The following ZNF532 variants were observed in gnomAD, a reference collection of about 807,000 sequenced individuals.
ZNF532 encodes zinc finger protein 532.
In ZNF532, 22 loss-of-function variants were observed where a neutral mutation model predicts 89.3. The ratio of observed to expected loss-of-function variants is 0.25; its 90% CI spans 0.18 to 0.35. The LOEUF (loss-of-function observed/expected upper bound fraction) is 0.35, where lower values mean the gene tolerates loss of function less well. ZNF532 is among the 10% of genes least tolerant of loss of function. ZNF532 has a pLI of 1.00. For missense variants in ZNF532, 1,132 were observed against 1,643.4 expected, an observed-to-expected ratio of 0.69 and a Z score of 5.38; for synonymous variants, 606 against 649.6, an observed-to-expected ratio of 0.93 and a Z score of 1.02.
In ZNF532 at chr18:58,918,877, A is replaced by G. The variant is rs1445563592; in HGVS notation, c.590A>G (p.Lys197Arg). 2 of 1,614,180 alleles carry G rather than the reference A, an allele frequency of 1.2e-6. No individual in the cohort carries two copies. The highest frequency in any genetic ancestry group is 1.1e-5 in the South Asian group (1 of 91,082). ...CTCTCTACGTCAGGCAATGTGGAGA[A>G]AAACAAAGCTGTTAAGAGAGAAACA... is the stretch of plus-strand genomic sequence containing the variant. ...TGLSTSGNVEKNKAVKRETEA... is the reference protein window; with the variant it reads ...TGLSTSGNVERNKAVKRETEA... The change falls in exon 3 of 10, where the codon AAA becomes AGA. Residue 197 changes from lysine (K) to arginine (R), a missense_variant. Lys to Arg is a conservative substitution (Grantham distance 26). Transcript: ENST00000591808.
At chr18:58,909,762 G>A (rs753372758) in intron 2 of ZNF532, among the ~76,000 whole-genome samples, 7 of 152,146 alleles carry the variant, frequency 4.6e-5, no homozygotes, top group Non-Finnish European at 8.8e-5. Context: ...ATTCAGCGAC[G>A]GCATGCACTT....
chr18:58,944,836 C>T (rs558625953), intron 5 of ZNF532, among the ~76,000 whole-genome samples: 2 of 152,262 alleles, frequency 1.3e-5, no homozygotes, highest in Admixed American at 6.5e-5. Flanking sequence ...ATCTTTTTCC[C>T]CCAGATTCCT....
chr18:58,944,361 T>C (rs2063475095), intron 5 of ZNF532, among the ~76,000 whole-genome samples: 1 of 151,990 alleles, frequency 6.6e-6, no homozygotes, highest in Non-Finnish European at 1.5e-5. Context: ...TCTCCTCCTC[T>C]CTCTCTTCCT....
In ZNF532 at chr18:58,919,217, C is replaced by A; in HGVS notation, c.930C>A (p.Ala310=). 5 of 1,614,094 alleles carry A rather than the reference C, an allele frequency of 3.1e-6. No individual in the cohort carries two copies. Among genetic ancestry groups the A allele is most frequent in the Non-Finnish European group, 3.4e-6 (4 of 1,179,964 alleles). The change falls in exon 3 of 10, where the codon GCC becomes GCA. Residue 310 remains alanine, a synonymous_variant. Transcript: ENST00000591808. This position sits in a 1 kb window ranked among gnomAD's most constrained non-coding sequence, Gnocchi z 6.1. ...AAGAAGTAAATGACAGTCCGAGAGC[C>A]GCTGACAAGTCTCCTGAATCCCAGA... is the stretch of plus-strand genomic sequence containing the variant. The part of the protein sequence containing the change: ...LPKEVNDSPR[A]ADKSPESQNL...
chr18:58,918,734 C>G lies in ZNF532; in HGVS notation c.447C>G (p.Pro149=). Residue 149 remains proline, a synonymous_variant, in exon 3 of 10, where the codon CCC becomes CCG. Coordinates refer to ENST00000591808, the MANE Select transcript of ZNF532 (RefSeq NM_001375912.1). ...DDDEKIEVDD[P]PDKEDMRSSF... ...ACGAGAAGATTGAGGTGGATGACCC[C>G]CCTGACAAGGAGGACATGCGATCAA... 6.2e-7 allele frequency: 1 copy of G among 1,614,128 alleles called. No homozygotes were observed. The highest frequency in any genetic ancestry group is 8.5e-7 in the Non-Finnish European group (1 of 1,180,036).
chr18:58,952,561 T>C (rs1256379738), intron 6 of ZNF532, among the ~76,000 whole-genome samples: 2 of 151,902 alleles, frequency 1.3e-5, no homozygotes, highest in East Asian at 3.8e-4. Flanking sequence ...TGCACCACTA[T>C]GCCCGAGTAA....
chr18:58,884,042 A>G (rs1381041224), intron 2 of ZNF532, among the ~76,000 whole-genome samples: 1 of 152,204 alleles, frequency 6.6e-6, no homozygotes, highest in Non-Finnish European at 1.5e-5. Flanking sequence ...GGAAGTCTCA[A>G]AAAGTGTTTG....
In ZNF532 at chr18:58,865,156, C is replaced by T. The variant is rs1405512426; in HGVS notation, c.-357C>T. 1 of 151,250 alleles carries T rather than the reference C, an allele frequency of 6.6e-6. No individual in the cohort carries two copies. Among genetic ancestry groups the T allele is most frequent in the African/African-American group, 2.4e-5 (1 of 41,116 alleles). 9.4% of individuals were successfully genotyped at this position (151,250 alleles called of 1,614,324 possible). A position where few individuals can be genotyped will look rare whatever the true frequency, so the allele number is the denominator to read the frequency against. On this transcript the variant is annotated 5_prime_UTR_variant, in exon 1 of 10. Coordinates refer to ENST00000591808, the MANE Select transcript of ZNF532 (RefSeq NM_001375912.1). ...TTATTAGAGAAAAAAATGTGCCTTGCTAGGGTGGGGACACTTGGTTGATGC... is the reference window on the plus strand; with the variant it reads ...TTATTAGAGAAAAAAATGTGCCTTGTTAGGGTGGGGACACTTGGTTGATGC...
At chr18:58,952,993 A>G (rs148501839) in intron 6 of ZNF532, among the ~76,000 whole-genome samples, 103 of 152,356 alleles carry the variant, frequency 6.8e-4, no homozygotes, top group African/African-American at 2.3e-3. Context: ...AAACCCAGCA[A>G]AAACCCAGAC....
Position 58,920,340 on chromosome 18 carries a change from G to T in ZNF532, c.2053G>T (p.Val685Phe). ...ATGCTCCCACTTAATTTTAAAGCCA[G>T]TCCCAGCAGATCAAATGATAGTTTC... is the stretch of plus-strand genomic sequence containing the variant. ...MQCSHLILKP[V>F]PADQMIVSPS... is the part of the protein sequence containing the mutation. Residue 685 changes from valine to phenylalanine, a missense_variant, in exon 3 of 10, where the codon GTC (valine) becomes TTC (phenylalanine). Physicochemically the swap from Val to Phe is conservative, Grantham distance 50 (BLOSUM62 -1). This residue lies in a region of ZNF532 where 70 missense variants were observed against 152.1 expected (regional missense o/e 0.46). Transcript: ENST00000591808. The T allele has an allele frequency of 6.2e-7, 1 of 1,614,000 alleles. No homozygotes were observed. Among genetic ancestry groups the T allele is most frequent in the Non-Finnish European group, 8.5e-7 (1 of 1,179,868 alleles).
intron 2 of ZNF532, among the ~76,000 whole-genome samples, chr18:58,895,349 G>A (rs533207259): frequency 9.2e-5 from 14 of 152,328 alleles, no homozygotes; most frequent in African/African-American, 2.9e-4. Context: ...AGAGTCCAGA[G>A]GTCAGATAGA....
In ZNF532 at chr18:58,918,234, C is replaced by T. The variant is rs747003508; in HGVS notation, c.-17-37C>T. 1.9e-6 allele frequency: 3 copies of T among 1,553,870 alleles called. No individual in the cohort carries two copies. The East Asian group carries it at 6.8e-5, about 35-fold the overall frequency. ...GTTTTATCTCATCGTGAGGAAATAC[C>T]AATTACTGATGGAACTATTTTCTGC... On this transcript the variant is annotated intron_variant, in intron 2 of 9. Coordinates refer to ENST00000591808, the MANE Select transcript of ZNF532 (RefSeq NM_001375912.1).
intron 7 of ZNF532, among the ~76,000 whole-genome samples, chr18:58,978,530 GA>G (rs1190932980): frequency 6.6e-6 from 1 of 152,094 alleles, no homozygotes; most frequent in Non-Finnish European, 1.5e-5. Flanking sequence ...CTGTGTTTTT[GA>G]GAGAGAATTT....
In ZNF532 at chr18:58,918,859, C is replaced by T. The variant is rs138581536; in HGVS notation, c.572C>T (p.Thr191Met). 5,977 of 1,614,152 alleles carry T rather than the reference C, an allele frequency of 3.7e-3. 43 individuals are homozygous for T. The highest frequency in any genetic ancestry group is 0.02 in the South Asian group (1,862 of 91,068). ...AACTCCAGCAAAACTGGACTCTCTA[C>T]GTCAGGCAATGTGGAGAAAAACAAA... ...GENSSKTGLS[T>M]SGNVEKNKAV... The change falls in exon 3 of 10, where the codon ACG becomes ATG. Residue 191 changes from threonine to methionine, a missense_variant. Transcript: ENST00000591808.
intron 2 of ZNF532, among the ~76,000 whole-genome samples, chr18:58,865,914 C>T (rs2056412909): frequency 6.6e-6 from 1 of 152,150 alleles, no homozygotes; most frequent in Non-Finnish European, 1.5e-5. Context: ...TGGCATTTTC[C>T]CGATGATTAT....
At chr18:58,948,331 C>T (rs1486151528) in intron 6 of ZNF532, 102 bp downstream of exon 6, 11 of 1,223,478 alleles carry the variant, frequency 9.0e-6, no homozygotes, top group Middle Eastern at 4.0e-4. Context: ...GCCTCACTGT[C>T]GAGGGAAGGG....
intron 4 of ZNF532, among the ~76,000 whole-genome samples, chr18:58,939,163 C>T (rs1210291094): frequency 7.3e-6 from 1 of 136,316 alleles, no homozygotes; most frequent in Admixed American, 8.3e-5. Context: ...ACGAGAATTG[C>T]TTGAACCTGG....
At chr18:58,871,890 TG>T (rs1355686591) in intron 2 of ZNF532, among the ~76,000 whole-genome samples, 5 of 152,252 alleles carry the variant, frequency 3.3e-5, no homozygotes, top group African/African-American at 9.6e-5. Context: ...GCTAGAAAGA[TG>T]TATTTGTTTT....
chr18:58,964,535 T>TTG (rs200298951), intron 7 of ZNF532, among the ~76,000 whole-genome samples: 9,130 of 138,484 alleles, frequency 0.066, 299 homozygotes, highest in Non-Finnish European at 0.085. Flanking sequence ...GATATTTTGT[T>TTG]TGTGTGTGTG....
Sources: gnomAD v4.1 joint callset for allele counts (sites outside exome capture counted in the v4.1 genomes callset) on GRCh38, gnomAD v4.1.1 for gene constraint, gnomAD v4.1.1 regional missense constraint, Gnocchi (gnomAD v3.1) non-coding constraint, MANE v1.5 for transcripts, NCBI Gene and HGNC (gene_info 2026-07-23, HGNC 2026-07-21) for gene names.